The following ZNF577 variants were observed in gnomAD, a reference collection of about 807,000 sequenced individuals.
ZNF577 encodes the protein zinc finger protein 577.
Under a neutral mutation model 13.9 loss-of-function variants are expected in ZNF577, and 14 were observed. That is an observed-to-expected ratio of 1.00 (90% confidence interval 0.66 to 1.57). The LOEUF is 1.57. ZNF577 is among the 40% of genes most tolerant of loss of function. ZNF577 has a pLI of 0.00. For synonymous variants in ZNF577, 203 were observed against 202.9 expected, an observed-to-expected ratio of 1.00 and a Z score of 0.00; for missense variants, 555 against 579.2, an observed-to-expected ratio of 0.96 and a Z score of 0.43.
At chr19:51,837,605 G>C (rs62110084) in intron 9 of ZNF577, among the ~76,000 whole-genome samples, 2 of 152,196 alleles carry the variant, frequency 1.3e-5, no homozygotes, top group African/African-American at 4.8e-5. Context: ...CACAAAGTCA[G>C]ACACAAAAAA....
chr19:51,852,316 C>A (rs1335162546), intron 5 of ZNF577, among the ~76,000 whole-genome samples: 5 of 152,192 alleles, frequency 3.3e-5, no homozygotes, highest in Non-Finnish European at 5.9e-5. Context: ...TTGCAACCCA[C>A]CTTTTCTGTC....
In ZNF577 at chr19:51,846,998, T is replaced by C. The variant is rs140978988; in HGVS notation, c.284-2067A>G. Among the ~76,000 whole-genome samples, 1,508 of 152,284 alleles carry C rather than the reference T, an allele frequency of 9.9e-3. 16 individuals carry two copies. Among genetic ancestry groups the C allele is most frequent in the Admixed American group, 0.017 (265 of 15,294 alleles). On this transcript the variant is annotated intron_variant and NMD_transcript_variant, in intron 5 of 10. Coordinates refer to the ZNF577 transcript ENST00000638827. Reference sequence around the variant, plus strand: ...CAATCCTCAAAACCCATCTGCAAGGTAGATATTTTCAATTTGTCATAATGG... The same window carrying C: ...CAATCCTCAAAACCCATCTGCAAGGCAGATATTTTCAATTTGTCATAATGG...
intron 9 of ZNF577, among the ~76,000 whole-genome samples, chr19:51,815,567 T>TAAA (rs71180419): frequency 6.9e-6 from 1 of 143,936 alleles, no homozygotes; most frequent in African/African-American, 2.6e-5. Flanking sequence ...AGACTCTGTC[T>TAAA]AAAAAAAAAA....
At chr19:51,815,426 G>T (rs951344285) in intron 9 of ZNF577, among the ~76,000 whole-genome samples, 9 of 151,900 alleles carry the variant, frequency 5.9e-5, no homozygotes, top group African/African-American at 2.2e-4. Flanking sequence ...CAGGCATGGT[G>T]ATGTGCGCCT....
chr19:51,878,294 A>G, intron 4 of ZNF577, 95 bp downstream of exon 4: 5 of 1,323,398 alleles, frequency 3.8e-6, no homozygotes, highest in Non-Finnish European at 4.1e-6. Flanking sequence ...TCTATAACAT[A>G]TAATACTTTA....
downstream of ZNF577, among the ~76,000 whole-genome samples, chr19:51,865,086 G>T (rs2084545611): frequency 6.6e-6 from 1 of 152,122 alleles, no homozygotes; most frequent in Non-Finnish European, 1.5e-5. Context: ...AACAGTCAAT[G>T]AACTTTCCCA....
In ZNF577 at chr19:51,824,516, T is replaced by C; in HGVS notation, c.*600-12842A>G. ...CTTCTTTCTTCATCTGTTGGTTCCC[T>C]TATGAACTAATTGGCATTCTAATGG... On this transcript the variant is annotated intron_variant and NMD_transcript_variant, in intron 9 of 10. Coordinates refer to the ZNF577 transcript ENST00000638827. The surrounding 1 kb of genome is among the most constrained non-coding windows in gnomAD (Gnocchi z 4.7). 1 of 1,614,100 alleles carries C rather than the reference T, an allele frequency of 6.2e-7. No individual in the cohort carries two copies. Among genetic ancestry groups the C allele is most frequent in the East Asian group, 2.2e-5 (1 of 44,868 alleles).
At chr19:51,878,072 A>T (rs990547656) in intron 4 of ZNF577, 1 of 181,474 alleles carries the variant, frequency 5.5e-6, no homozygotes, top group Non-Finnish European at 1.2e-5. Flanking sequence ...TCCTAAAGAC[A>T]GAAAGTGAAT....
downstream of ZNF577, chr19:51,863,032 C>T (rs895699093): frequency 1.3e-5 from 2 of 152,162 alleles, no homozygotes; most frequent in African/African-American, 4.8e-5. Flanking sequence ...ATACACAAGC[C>T]CTGAATTTGT....
At chr19:51,881,177 AC>A (rs1341557466) in intron 1 of ZNF577, among the ~76,000 whole-genome samples, 7 of 152,198 alleles carry the variant, frequency 4.6e-5, no homozygotes, top group Non-Finnish European at 8.8e-5. Flanking sequence ...TTTAGGTAAG[AC>A]AATGAAGGAA....
At chr19:51,827,316 T>C (rs571729682) in intron 9 of ZNF577, among the ~76,000 whole-genome samples, 3 of 152,304 alleles carry the variant, frequency 2.0e-5, no homozygotes, top group Admixed American at 2.0e-4. Flanking sequence ...CCACGTTAGA[T>C]TTCTCTCACT....
chr19:51,863,830 C>G (rs916596564), downstream of ZNF577, among the ~76,000 whole-genome samples: 1 of 152,202 alleles, frequency 6.6e-6, no homozygotes, highest in African/African-American at 2.4e-5. Context: ...GACTCAGATT[C>G]TTGATCTAGG....
intron 5 of ZNF577, among the ~76,000 whole-genome samples, chr19:51,850,580 G>A (rs2084374592): frequency 6.6e-6 from 1 of 152,182 alleles, no homozygotes; most frequent in Non-Finnish European, 1.5e-5. Flanking sequence ...GTAATATACT[G>A]TACCTGTGGG....
Position 51,824,848 on chromosome 19 carries a change from T to G in ZNF577, c.*600-13174A>C. 6.7e-7 allele frequency: 1 copy of G among 1,497,826 alleles called. No individual in the cohort carries two copies. The highest frequency in any genetic ancestry group is 9.0e-7 in the Non-Finnish European group (1 of 1,115,412). The allele number at this position is 1,497,826 out of a possible 1,614,324, so 92.8% of individuals were successfully genotyped here. ...TTTTGGGCTCTGTCTCTTTCTACCC[T>G]GCGTTAAGCGGAAAAAAAAAATTCT... On this transcript the variant is annotated intron_variant and NMD_transcript_variant, in intron 9 of 10. Coordinates refer to the ZNF577 transcript ENST00000638827. This position sits in a 1 kb window ranked among gnomAD's most constrained non-coding sequence, Gnocchi z 4.7.
downstream of ZNF577, chr19:51,862,735 T>C (rs950677332): frequency 2.6e-5 from 4 of 152,310 alleles, no homozygotes; most frequent in African/African-American, 9.7e-5. Context: ...AATGCATTAA[T>C]AGGGTATCTC....
At chr19:51,839,919 C>T (rs149772841) in exon 9 of ZNF577, 1 of 152,362 alleles carries the variant, frequency 6.6e-6, no homozygotes, top group Non-Finnish European at 1.5e-5. Context: ...CACAAACATT[C>T]GCTTGAGGAC....
chr19:51,824,976 A>G lies in ZNF577; in HGVS notation c.*600-13302T>C, dbSNP rs78264952. On this transcript the variant is annotated intron_variant and NMD_transcript_variant, in intron 9 of 10. Coordinates refer to the ZNF577 transcript ENST00000638827. The surrounding 1 kb of genome is among the most constrained non-coding windows in gnomAD (Gnocchi z 4.7). ...GGGGTTTTTCCCACAACCAAGCAAT[A>G]GACACCAGCTGGGTGTCCTACAATT... The G allele has an allele frequency of 0.017, 10,554 of 615,522 alleles. 486 individuals are homozygous for G. Among genetic ancestry groups the G allele is most frequent in the African/African-American group, 0.13 (7,026 of 53,900 alleles). The allele number at this position is 615,522 out of a possible 1,614,324, so 38.1% of individuals were successfully genotyped here. A position where few individuals can be genotyped will look rare whatever the true frequency, so the allele number is the denominator to read the frequency against.
intron 9 of ZNF577, among the ~76,000 whole-genome samples, chr19:51,821,800 C>T (rs2084191947): frequency 6.6e-6 from 1 of 151,602 alleles, no homozygotes; most frequent in African/African-American, 2.4e-5. Flanking sequence ...CCTACAAAAA[C>T]CCCAAGGCCA....
intron 9 of ZNF577, among the ~76,000 whole-genome samples, chr19:51,826,870 A>C (rs1018458507): frequency 6.6e-6 from 1 of 152,178 alleles, no homozygotes; most frequent in Non-Finnish European, 1.5e-5. Flanking sequence ...TGAGGGGGTC[A>C]CAGGACCACT....
Sources: allele counts gnomAD v4.1 joint callset (sites outside exome capture counted in the v4.1 genomes callset), GRCh38; gene constraint gnomAD v4.1.1; non-coding constraint Gnocchi (gnomAD v3.1); transcripts MANE v1.5; gene names NCBI Gene and HGNC (gene_info 2026-07-23, HGNC 2026-07-21).